The following PBRM1 variants were observed in gnomAD, a reference collection of about 807,000 sequenced individuals.
PBRM1 encodes protein polybromo-1.
Under a neutral mutation model 194.5 loss-of-function variants are expected in PBRM1, and 27 were observed. The ratio of observed to expected loss-of-function variants is 0.14; its 90% confidence interval spans 0.10 to 0.19. The LOEUF is 0.19. Among genes scored for constraint, PBRM1 ranks in the 10% least tolerant of loss-of-function variants. The pLI, the probability that PBRM1 is intolerant of heterozygous loss-of-function variation, is 1.00. For synonymous variants in PBRM1, 655 were observed against 693.2 expected (o/e 0.94, Z 0.87); for missense variants, 1,466 against 2,077.2 (o/e 0.71, Z 5.72).
rs200278351 is a variant in PBRM1 at position 52,554,773 on chromosome 3, G to A, written c.4560C>T (p.Pro1520=). 7.6e-6 allele frequency: 12 copies of A among 1,580,862 alleles called. No individual in the cohort carries two copies. The East Asian group carries it at 2.6e-4, about 34-fold the overall frequency. The change falls in exon 27 of 30, where the codon CCC becomes CCT. Residue 1520 remains proline, a synonymous_variant. Coordinates refer to ENST00000296302, the Ensembl canonical transcript of PBRM1. ...CAGGCACACCTGGCGGAAGATGGTG[G>A]GGTGGAGGCCCCCCAGGGTGAAGTG...
At chr3:52,612,116 C>T (rs1214006917) in intron 15 of PBRM1, among the ~76,000 whole-genome samples, 2 of 151,350 alleles carry the variant, frequency 1.3e-5, no homozygotes, top group Non-Finnish European at 2.9e-5. Context: ...AAAAATCAGC[C>T]GGGCGTGGTG....
At chr3:52,677,752 G>C (rs376743005) in intron 2 of PBRM1, among the ~76,000 whole-genome samples, 4 of 152,272 alleles carry the variant, frequency 2.6e-5, no homozygotes, top group African/African-American at 9.6e-5. Context: ...GTAGAGACAG[G>C]GTTTTGCCAT....
rs2087960686 is a variant in PBRM1 at position 52,573,015 on chromosome 3, C to T, written c.3691+3526G>A. ...ATGCATTTTCTTTTGGGTTTTATCT[C>T]AAGATGAAGTTACTTATATTTCATT... is the stretch of plus-strand genomic sequence containing the variant. On this transcript the variant is annotated intron_variant, in intron 22 of 29. Transcript: ENST00000296302. Among the ~76,000 whole-genome samples the T allele has an allele frequency of 3.3e-5, 5 of 152,202 alleles. No homozygotes were observed. The South Asian group carries it at 1.0e-3, about 31-fold the overall frequency.
exon 30 of PBRM1, chr3:52,548,097 T>C (rs781198711): frequency 1.2e-5 from 19 of 1,610,506 alleles, no homozygotes; most frequent in Non-Finnish European, 1.5e-5. Flanking sequence ...TTGGCGAATG[T>C]TGAGGGTGTC....
chr3:52,566,604 A>G (rs144257592), intron 22 of PBRM1, among the ~76,000 whole-genome samples: 178 of 152,348 alleles, frequency 1.2e-3, no homozygotes, highest in African/African-American at 4.1e-3. Flanking sequence ...TATATAGAAC[A>G]GGCAAAATTC....
chr3:52,651,990 TAAG>T (rs972496142), intron 5 of PBRM1, among the ~76,000 whole-genome samples, 180 bp from the exon 7 acceptor site: 1 of 152,220 alleles, frequency 6.6e-6, no homozygotes, highest in Admixed American at 6.5e-5. Flanking sequence ...AATTTAATCT[TAAG>T]AAGCTTCATG....
chr3:52,626,717 G>T (rs1314269300), intron 13 of PBRM1, among the ~76,000 whole-genome samples: 1 of 152,104 alleles, frequency 6.6e-6, no homozygotes, highest in African/African-American at 2.4e-5. Flanking sequence ...TAGGGAAGTT[G>T]AGAGAAAGGT....
chr3:52,644,708 T>C, exon 8 of PBRM1: 2 of 1,521,974 alleles, frequency 1.3e-6, no homozygotes, highest in South Asian at 2.3e-5. Context: ...ACCTACCTCA[T>C]TCGAAGACTT....
intron 14 of PBRM1, among the ~76,000 whole-genome samples, chr3:52,616,095 G>A (rs906030176): frequency 1.3e-5 from 2 of 152,102 alleles, no homozygotes; most frequent in African/African-American, 4.8e-5. Flanking sequence ...GAGGGAATAA[G>A]TGACCTCCCT....
chr3:52,642,049 CAA>C lies in PBRM1; in HGVS notation c.996-6_996-5del, dbSNP rs376663529. 3.1e-3 allele frequency: 3,557 copies of C among 1,161,650 alleles called. No homozygotes were observed. Among genetic ancestry groups the C allele is most frequent in the South Asian group, 3.7e-3 (269 of 73,186 alleles). The allele number at this position is 1,161,650 out of a possible 1,614,324, so 72.0% of individuals were successfully genotyped here. A position where few individuals can be genotyped will look rare whatever the true frequency, so the allele number is the denominator to read the frequency against. On this transcript the variant is annotated splice_polypyrimidine_tract_variant and splice_region_variant and intron_variant, in intron 9 of 29. Coordinates refer to ENST00000296302, the Ensembl canonical transcript of PBRM1. ...TCCTTGTACTGCTCTTTTATTACTA[CAA>C]AAAAAAAAAAAGCAATTAGACAGGG...
At chr3:52,600,853 G>A (rs2093940886) in intron 17 of PBRM1, among the ~76,000 whole-genome samples, 1 of 152,158 alleles carries the variant, frequency 6.6e-6, no homozygotes, top group Admixed American at 6.5e-5. Flanking sequence ...TGGCCAGGCT[G>A]GTCTTGAACT....
chr3:52,620,981 G>A (rs2153526439), intron 13 of PBRM1, among the ~76,000 whole-genome samples: 1 of 152,288 alleles, frequency 6.6e-6, no homozygotes, highest in South Asian at 2.1e-4. Context: ...CCGGCTGCCA[G>A]AAAAAACTCA....
At chr3:52,669,822 C>G (rs548327227) in intron 2 of PBRM1, among the ~76,000 whole-genome samples, 2 of 152,220 alleles carry the variant, frequency 1.3e-5, no homozygotes, top group East Asian at 3.9e-4. Flanking sequence ...CAAATAAGGA[C>G]CACAACTCAA....
At chr3:52,679,628 T>G (rs2154066420) in exon 1 of PBRM1, 1 of 1,614,142 alleles carries the variant, frequency 6.2e-7, no homozygotes, top group Non-Finnish European at 8.5e-7. Context: ...TTGGGCCTGG[T>G]GTTGACACAG....
chr3:52,554,870 C>T, exon 27 of PBRM1: 1 of 1,606,910 alleles, frequency 6.2e-7, no homozygotes, highest in South Asian at 1.1e-5. Context: ...CGGATAGCCA[C>T]CCATCATGCC....
upstream of PBRM1, among the ~76,000 whole-genome samples, chr3:52,679,982 T>C (rs2097175428): frequency 6.6e-6 from 1 of 152,202 alleles, no homozygotes; most frequent in African/African-American, 2.4e-5. Context: ...ATCAGCAATC[T>C]TGAATGACTC....
In PBRM1 at chr3:52,554,949, C is replaced by A. The variant is rs1483614249; in HGVS notation, c.4454-70G>T. ...ACATGAGCTAAGTAATAACAACCAACCCCCACATGCACTACCAATGAATAA... is the reference window on the plus strand; with the variant it reads ...ACATGAGCTAAGTAATAACAACCAAACCCCACATGCACTACCAATGAATAA... On this transcript the variant is annotated intron_variant, in intron 26 of 29. Transcript: ENST00000296302. The A allele has an allele frequency of 2.4e-5, 30 of 1,253,274 alleles. No homozygotes were observed. In the South Asian group the frequency reaches 3.4e-4, roughly 14 times the overall value. The allele number at this position is 1,253,274 out of a possible 1,614,324, so 77.6% of individuals were successfully genotyped here. A position where few individuals can be genotyped will look rare whatever the true frequency, so the allele number is the denominator to read the frequency against.
At chr3:52,665,765 A>G (rs961868494) in intron 3 of PBRM1, among the ~76,000 whole-genome samples, 1 of 152,182 alleles carries the variant, frequency 6.6e-6, no homozygotes, top group South Asian at 2.1e-4. Flanking sequence ...TGTCCATGGA[A>G]GAATTGTCTT....
chr3:52,597,972 G>A (rs750341473), intron 17 of PBRM1, among the ~76,000 whole-genome samples: 1 of 152,076 alleles, frequency 6.6e-6, no homozygotes, highest in Non-Finnish European at 1.5e-5. Context: ...CCAAAGTGCT[G>A]GGATTACAGG....
Sources: allele counts gnomAD v4.1 joint callset (sites outside exome capture counted in the v4.1 genomes callset), GRCh38; gene constraint gnomAD v4.1.1; transcripts MANE v1.5; gene names NCBI Gene and HGNC (gene_info 2026-07-23, HGNC 2026-07-21).